The following FAM98B variants were observed in gnomAD, a reference collection of about 807,000 sequenced individuals.
FAM98B encodes the protein tRNA splicing ligase complex subunit 3B, also known as tRNA-splicing ligase complex subunit FAM98B.
In FAM98B, 32 loss-of-function variants were observed where a neutral mutation model predicts 43.9. The ratio of observed to expected loss-of-function variants is 0.73; its 90% CI spans 0.55 to 0.98. The LOEUF is 0.98. Ranked by LOEUF, FAM98B falls within the 50% of genes least tolerant of loss-of-function variation. FAM98B has a pLI of 0.00. For missense variants in FAM98B, 514 were observed against 522.9 expected, an observed-to-expected ratio of 0.98 and a Z score of 0.17; for synonymous variants, 190 against 174.0, an observed-to-expected ratio of 1.09 and a Z score of -0.72.
In FAM98B at chr15:38,487,275, A is replaced by T. The variant is rs1281350907; in HGVS notation, c.*2616A>T. On this transcript the variant is annotated 3_prime_UTR_variant, in exon 8 of 8. Coordinates refer to ENST00000397609, the MANE Select transcript of FAM98B (RefSeq NM_173611.4). ...TAAACAGAAAAAGGAAAACATTTTA[A>T]ATAAAAAACATCTTATTACCTGTAT... 6.6e-6 allele frequency: 1 copy of T among 152,136 alleles called. No homozygotes were observed. Among genetic ancestry groups the T allele is most frequent in the Non-Finnish European group, 1.5e-5 (1 of 67,966 alleles). The allele number at this position is 152,136 out of a possible 1,614,324, so 9.4% of individuals were successfully genotyped here.
At chr15:38,475,194 C>T (rs1385183262) in intron 6 of FAM98B, among the ~76,000 whole-genome samples, 1 of 152,014 alleles carries the variant, frequency 6.6e-6, no homozygotes, top group East Asian at 1.9e-4. Context: ...ACAGTTTTTC[C>T]ATGGAGGGTT....
intron 3 of FAM98B, among the ~76,000 whole-genome samples, chr15:38,466,182 TTGTGTGTGTGTG>T (rs35919139): frequency 0.26 from 38,561 of 147,738 alleles, 5,218 homozygotes; most frequent in East Asian, 0.52. Flanking sequence ...GAGATGAAAT[TTGTGTGTGTGTG>T]TGTGTGTGTG....
chr15:38,483,631 A>T (rs570723202), intron 7 of FAM98B: 5 of 137,016 alleles, frequency 3.6e-5, no homozygotes, highest in Non-Finnish European at 6.1e-5. Context: ...ATGCCACTGC[A>T]CTCCAGCCTG....
At chr15:38,480,744 G>A (rs1890270104) in intron 6 of FAM98B, among the ~76,000 whole-genome samples, 1 of 151,986 alleles carries the variant, frequency 6.6e-6, no homozygotes, top group Admixed American at 6.5e-5. Flanking sequence ...TTGTATTATA[G>A]CATATTAGTA....
At position 38,465,349 on chromosome 15, in the gene FAM98B, T is replaced by G; in HGVS notation, c.298T>G (p.Ser100Ala). The G allele has an allele frequency of 6.2e-7, 1 of 1,609,532 alleles. No homozygotes were observed. The highest frequency in any genetic ancestry group is 8.5e-7 in the Non-Finnish European group (1 of 1,178,402). The change falls in exon 3 of 8, where the codon TCA becomes GCA. Residue 100 changes from serine to alanine, a missense_variant. Coordinates refer to ENST00000397609, the MANE Select transcript of FAM98B (RefSeq NM_173611.4). ...EMACPYSVLI[S>A]GDIKDRLKKK... ...GGCATGTCCATATTCTGTACTCATA[T>G]CAGGAGATATTAAAGATCGTTTAAA...
chr15:38,474,204 A>T lies in FAM98B; in HGVS notation c.635A>T (p.Asp212Val), dbSNP rs1299164805. Residue 212 changes from aspartate to valine, a missense_variant, in exon 6 of 8, where the codon GAT becomes GTT. Physicochemically the swap from Asp to Val is radical, Grantham distance 152. This residue lies in a region of FAM98B where 469 missense variants were observed against 451.8 expected (regional missense o/e 1.04). Coordinates refer to ENST00000397609, the MANE Select transcript of FAM98B (RefSeq NM_173611.4). Reference sequence around the variant, plus strand: ...TAGGAACAACTGGAAAGAATCAATGATGCTCTTTCCTGTGAATATGAGTGC... The same window carrying T: ...TAGGAACAACTGGAAAGAATCAATGTTGCTCTTTCCTGTGAATATGAGTGC... ...EQAEQLERIN[D>V]ALSCEYECRR... 2 of 1,613,092 alleles carry T rather than the reference A, an allele frequency of 1.2e-6. No individual in the cohort carries two copies. Among genetic ancestry groups the T allele is most frequent in the Non-Finnish European group, 1.7e-6 (2 of 1,179,316 alleles).
intron 4 of FAM98B, among the ~76,000 whole-genome samples, chr15:38,471,030 A>G (rs1487462369): frequency 2.0e-5 from 3 of 151,900 alleles, no homozygotes; most frequent in African/African-American, 7.2e-5. Flanking sequence ...CTCACAGACC[A>G]AATTCTGGCC....
intron 1 of FAM98B, among the ~76,000 whole-genome samples, chr15:38,459,752 C>G (rs12913860): frequency 0.033 from 4,964 of 152,298 alleles, 122 homozygotes; most frequent in Non-Finnish European, 0.052. Context: ...CCTTGGGTAC[C>G]CTGGCTCCAG....
intron 3 of FAM98B, among the ~76,000 whole-genome samples, chr15:38,466,142 G>A (rs562306887): frequency 6.6e-6 from 1 of 151,700 alleles, no homozygotes; most frequent in Non-Finnish European, 1.5e-5. Context: ...CCTCCTAGGC[G>A]CTAGTGTTTT....
At chr15:38,462,629 T>C (rs909127986) in intron 1 of FAM98B, among the ~76,000 whole-genome samples, 1 of 152,168 alleles carries the variant, frequency 6.6e-6, no homozygotes, top group Non-Finnish European at 1.5e-5. Flanking sequence ...TATTTTAATA[T>C]ATATTAGGAA....
At chr15:38,458,117 C>CAA (rs1889879227) in intron 1 of FAM98B, among the ~76,000 whole-genome samples, 1 of 152,106 alleles carries the variant, frequency 6.6e-6, no homozygotes, top group Admixed American at 6.5e-5. Flanking sequence ...CTTGGGGAGA[C>CAA]ACAGAAAGGG....
In FAM98B at chr15:38,454,150, G is replaced by A; in HGVS notation, c.-12G>A. 6.3e-7 allele frequency: 1 copy of A among 1,590,928 alleles called. No individual in the cohort carries two copies. Among genetic ancestry groups the A allele is most frequent in the Non-Finnish European group, 8.5e-7 (1 of 1,170,270 alleles). On this transcript the variant is annotated 5_prime_UTR_variant, in exon 1 of 8. Transcript: ENST00000397609. The stretch of plus-strand genomic sequence containing the variant: ...CTACTTAGAGCGCCGAACAGCTCTG[G>A]GCCAAAGGACCATGAGAGGGCCGGA...
At chr15:38,476,465 CT>C (rs1890202065) in intron 6 of FAM98B, among the ~76,000 whole-genome samples, 1 of 150,940 alleles carries the variant, frequency 6.6e-6, no homozygotes, top group African/African-American at 2.4e-5. Flanking sequence ...TTCTGAAATG[CT>C]TTAGTCAGAT....
chr15:38,475,580 C>G (rs921010588), intron 6 of FAM98B, among the ~76,000 whole-genome samples: 2 of 152,124 alleles, frequency 1.3e-5, no homozygotes, highest in African/African-American at 4.8e-5. Flanking sequence ...AATCTTCCAG[C>G]CTTTCTCTCT....
At chr15:38,472,665 A>G (rs1890144594) in intron 4 of FAM98B, among the ~76,000 whole-genome samples, 1 of 152,066 alleles carries the variant, frequency 6.6e-6, no homozygotes, top group Admixed American at 6.6e-5. Context: ...ATTTACAGTT[A>G]CTCCACATTA....
Position 38,481,302 on chromosome 15 carries a change from A to T in FAM98B, c.740A>T (p.Asp247Val), listed in dbSNP as rs1312320363. 1 of 1,613,314 alleles carries T rather than the reference A, an allele frequency of 6.2e-7. No homozygotes were observed. The highest frequency in any genetic ancestry group is 8.5e-7 in the Non-Finnish European group (1 of 1,179,340). ...ACTCTTGTCATTTAGGTAAAAACAG[A>T]TGATATAGCAAGAATTTATCAGCCT... ...GWSDRAKVKTDDIARIYQPKR... is the reference protein window; with the variant it reads ...GWSDRAKVKTVDIARIYQPKR... The change falls in exon 7 of 8, where the codon GAT becomes GTT. Residue 247 changes from aspartate (D) to valine (V), a missense_variant. Coordinates refer to ENST00000397609, the MANE Select transcript of FAM98B (RefSeq NM_173611.4).
intron 1 of FAM98B, among the ~76,000 whole-genome samples, chr15:38,463,038 T>C (rs1176220713): frequency 1.3e-5 from 2 of 152,292 alleles, no homozygotes; most frequent in South Asian, 2.1e-4. Flanking sequence ...ACACATCAAG[T>C]ATATTATCTG....
chr15:38,482,498 C>G (rs932554094), intron 7 of FAM98B: 2 of 152,274 alleles, frequency 1.3e-5, no homozygotes, highest in East Asian at 3.9e-4. Context: ...GTAGAGAGAC[C>G]AGTGAGAATA....
At chr15:38,456,382 A>G (rs1378610138) in intron 1 of FAM98B, among the ~76,000 whole-genome samples, 11 of 152,252 alleles carry the variant, frequency 7.2e-5, no homozygotes, top group East Asian at 1.9e-4. Context: ...CTTCAGAGGT[A>G]CAGTACAGAC....
Sources: allele counts gnomAD v4.1 joint callset (sites outside exome capture counted in the v4.1 genomes callset), GRCh38; gene constraint gnomAD v4.1.1; regional missense constraint gnomAD v4.1.1; transcripts MANE v1.5; gene names NCBI Gene and HGNC (gene_info 2026-07-23, HGNC 2026-07-21).